Variants in ZNF704 observed in about 807,000 individuals in gnomAD.
The protein encoded by ZNF704 is zinc finger protein 704, also known as glucocorticoid induced gene 1.
In ZNF704, 10 loss-of-function variants were observed where a neutral mutation model predicts 44.7. The observed-to-expected ratio is 0.22, with a 90% confidence interval of 0.14 to 0.38. The LOEUF is 0.38. Among genes scored for constraint, ZNF704 ranks in the 10% least tolerant of loss-of-function variants. ZNF704 has a pLI of 1.00. For synonymous variants in ZNF704, 211 were observed against 207.6 expected (o/e 1.02, Z -0.14); for missense variants, 390 against 545.5 (o/e 0.71, Z 2.84).
intron 7 of ZNF704, among the ~76,000 whole-genome samples, chr8:80,656,196 T>A (rs1201050333): frequency 1.3e-5 from 2 of 152,090 alleles, no homozygotes; most frequent in Non-Finnish European, 2.9e-5. Flanking sequence ...TCTCTCTCTC[T>A]CTCTTTCTCT....
At chr8:80,662,141 T>C (rs565105909) in intron 6 of ZNF704, among the ~76,000 whole-genome samples, 1 of 152,130 alleles carries the variant, frequency 6.6e-6, no homozygotes, top group African/African-American at 2.4e-5. Context: ...GTTCATGATA[T>C]ATTAAATAGA....
upstream of ZNF704, among the ~76,000 whole-genome samples, chr8:80,878,786 C>CT (rs1809391159): frequency 6.6e-6 from 1 of 152,180 alleles, no homozygotes; most frequent in Admixed American, 6.5e-5. Context: ...ACACACAGTA[C>CT]TTTCAAAATA....
intron 2 of ZNF704, among the ~76,000 whole-genome samples, chr8:80,806,611 C>T (rs960820506): frequency 6.6e-6 from 1 of 152,190 alleles, no homozygotes; most frequent in Non-Finnish European, 1.5e-5. Context: ...TTTTTAATTT[C>T]TCTTCTTGGA....
intron 1 of ZNF704, among the ~76,000 whole-genome samples, chr8:80,845,551 G>T (rs1808754879): frequency 6.6e-6 from 1 of 152,166 alleles, no homozygotes; most frequent in South Asian, 2.1e-4. Context: ...GATTTGGAAG[G>T]TCTTTCAGCA....
Position 80,638,453 on chromosome 8 carries a change from C to T in ZNF704, c.*2913G>A, listed in dbSNP as rs957398920. On this transcript the variant is annotated 3_prime_UTR_variant, in exon 9 of 9. Coordinates refer to ENST00000327835, the MANE Select transcript of ZNF704 (RefSeq NM_001033723.3). ...ACTGCCAGCCTGCTGTGGGAGCAGT[C>T]TGCCCAGTCCTCCCCCTCCTCCCAG... 1.3e-5 allele frequency: 2 copies of T among 152,624 alleles called. No homozygotes were observed. Among genetic ancestry groups the T allele is most frequent in the African/African-American group, 4.8e-5 (2 of 41,444 alleles). The allele number at this position is 152,624 out of a possible 1,614,324, so 9.5% of individuals were successfully genotyped here.
chr8:80,731,875 G>C (rs755775284), intron 2 of ZNF704, among the ~76,000 whole-genome samples: 1 of 152,184 alleles, frequency 6.6e-6, no homozygotes, highest in African/African-American at 2.4e-5. Context: ...CTGATCCAAA[G>C]GTTAGTTACC....
At chr8:80,871,399 A>G (rs1446556364) in intron 1 of ZNF704, among the ~76,000 whole-genome samples, 4 of 152,056 alleles carry the variant, frequency 2.6e-5, no homozygotes, top group Non-Finnish European at 5.9e-5. Flanking sequence ...CTGCCTGGAA[A>G]GCTCTTCCCA....
chr8:80,788,158 T>C (rs1024287072), intron 2 of ZNF704, among the ~76,000 whole-genome samples: 1 of 152,168 alleles, frequency 6.6e-6, no homozygotes, highest in African/African-American at 2.4e-5. Flanking sequence ...ATTAGAGTAG[T>C]TGAATACTTT....
intron 2 of ZNF704, among the ~76,000 whole-genome samples, chr8:80,732,377 T>C (rs1466015194): frequency 6.6e-6 from 1 of 152,228 alleles, no homozygotes; most frequent in Non-Finnish European, 1.5e-5. Flanking sequence ...GGATTATCTG[T>C]GTGACTAATA....
intron 2 of ZNF704, among the ~76,000 whole-genome samples, chr8:80,748,245 T>G (rs751706834): frequency 6.6e-6 from 1 of 151,260 alleles, no homozygotes; most frequent in Non-Finnish European, 1.5e-5. Context: ...AAATCATTGG[T>G]ATATCTAATA....
At chr8:80,762,597 T>G (rs1157248521) in intron 2 of ZNF704, among the ~76,000 whole-genome samples, 2 of 152,132 alleles carry the variant, frequency 1.3e-5, no homozygotes. Flanking sequence ...CCTCAACATG[T>G]GGGTATTATA....
chr8:80,806,129 C>T (rs1459430867), intron 2 of ZNF704, among the ~76,000 whole-genome samples: 2 of 152,168 alleles, frequency 1.3e-5, no homozygotes, highest in African/African-American at 2.4e-5. Context: ...GAAAGTCGTG[C>T]ATGATGAATC....
chr8:80,669,752 TC>T (rs1394442995), intron 5 of ZNF704, among the ~76,000 whole-genome samples: 2 of 152,158 alleles, frequency 1.3e-5, no homozygotes, highest in African/African-American at 4.8e-5. Context: ...TTACAGCCTC[TC>T]AAGGTCCCTT....
chr8:80,651,618 T>C (rs1817921422), intron 7 of ZNF704, among the ~76,000 whole-genome samples: 1 of 152,216 alleles, frequency 6.6e-6, no homozygotes, highest in Admixed American at 6.5e-5. Context: ...AAGAGCTAAC[T>C]ATCCTAAATA....
At chr8:80,770,958 C>T (rs1471026429) in intron 2 of ZNF704, among the ~76,000 whole-genome samples, 1 of 152,112 alleles carries the variant, frequency 6.6e-6, no homozygotes, top group East Asian at 1.9e-4. Flanking sequence ...TGCTTCTCCA[C>T]CATTTGTTGT....
chr8:80,662,142 A>G (rs531024138), intron 6 of ZNF704, among the ~76,000 whole-genome samples: 2 of 152,298 alleles, frequency 1.3e-5, no homozygotes, highest in South Asian at 2.1e-4. Context: ...TTCATGATAT[A>G]TTAAATAGAA....
intron 2 of ZNF704, among the ~76,000 whole-genome samples, chr8:80,804,000 C>T (rs1169546303): frequency 1.3e-5 from 2 of 151,804 alleles, no homozygotes; most frequent in Admixed American, 1.3e-4. Flanking sequence ...CAAAAAAATC[C>T]ATTAAAAAGT....
chr8:80,863,245 A>C (rs1809099777), intron 1 of ZNF704, among the ~76,000 whole-genome samples: 1 of 152,216 alleles, frequency 6.6e-6, no homozygotes, highest in Admixed American at 6.5e-5. Flanking sequence ...AAACTTGCAA[A>C]AAATTGTTAA....
At chr8:80,821,180 C>T (rs1406037959) in intron 2 of ZNF704, among the ~76,000 whole-genome samples, 194 bp downstream of exon 2, 1 of 152,202 alleles carries the variant, frequency 6.6e-6, no homozygotes, top group South Asian at 2.1e-4. Flanking sequence ...ATAGTTCCAA[C>T]TACAGCAGCC....
Sources: allele counts gnomAD v4.1 joint callset (sites outside exome capture counted in the v4.1 genomes callset), GRCh38; gene constraint gnomAD v4.1.1; transcripts MANE v1.5; gene names NCBI Gene and HGNC (gene_info 2026-07-23, HGNC 2026-07-21).